VAT1L: variants seen among roughly 807,000 people sequenced by gnomAD.
The protein encoded by VAT1L is vesicle amine transport 1 like.
In VAT1L, 34 loss-of-function variants were observed where a neutral mutation model predicts 44.1. The observed-to-expected ratio is 0.77, with a 90% confidence interval of 0.59 to 1.03. The LOEUF (loss-of-function observed/expected upper bound fraction) is 1.03, where lower values mean the gene tolerates loss of function less well. Ranked by LOEUF, VAT1L falls within the 50% of genes least tolerant of loss-of-function variation. VAT1L has a pLI of 0.00. For synonymous variants in VAT1L, 253 were observed against 202.2 expected, an observed-to-expected ratio of 1.25 and a Z score of -2.13; for missense variants, 615 against 538.8, an observed-to-expected ratio of 1.14 and a Z score of -1.40.
intron 3 of VAT1L, among the ~76,000 whole-genome samples, chr16:77,854,280 C>T (rs536350358): frequency 8.5e-5 from 13 of 152,138 alleles, no homozygotes; most frequent in African/African-American, 2.4e-4. Flanking sequence ...TGTGTCACAG[C>T]GCATATCACG....
intron 7 of VAT1L, among the ~76,000 whole-genome samples, chr16:77,966,827 G>A (rs1466316704): frequency 1.3e-5 from 2 of 151,100 alleles, no homozygotes; most frequent in East Asian, 3.9e-4. Flanking sequence ...AAATTTCAAA[G>A]GCGCACTTGC....
chr16:77,912,421 G>A (rs1469520561), intron 7 of VAT1L, among the ~76,000 whole-genome samples: 1 of 152,104 alleles, frequency 6.6e-6, no homozygotes, highest in Non-Finnish European at 1.5e-5. Flanking sequence ...GGGACAAGGT[G>A]GTTCATTATA....
intron 4 of VAT1L, among the ~76,000 whole-genome samples, chr16:77,868,344 A>C (rs1023735271): frequency 6.6e-6 from 1 of 152,172 alleles, no homozygotes; most frequent in South Asian, 2.1e-4. Context: ...CTACAAACAG[A>C]CTACGAAGAT....
intron 3 of VAT1L, among the ~76,000 whole-genome samples, chr16:77,853,451 A>G (rs2016826630): frequency 6.6e-6 from 1 of 152,236 alleles, no homozygotes; most frequent in Non-Finnish European, 1.5e-5. Context: ...ATAATTATAT[A>G]CGAATAGTCA....
intron 4 of VAT1L, among the ~76,000 whole-genome samples, chr16:77,864,231 C>G (rs973652286): frequency 6.6e-6 from 1 of 152,288 alleles, no homozygotes; most frequent in Admixed American, 6.5e-5. Flanking sequence ...GCCATTGTTT[C>G]GGCATTCTCA....
rs899580866 is a variant in VAT1L at position 77,833,905 on chromosome 16, G to A, written c.579+8444G>A. 3.9e-5 allele frequency among the ~76,000 whole-genome samples: 6 copies of A among 152,096 alleles called. No homozygotes were observed. In the East Asian group the frequency reaches 1.2e-3, roughly 29 times the overall value. Reference sequence around the variant, plus strand: ...TACAAAGAATTCCGGACAGGAGGGCGTTTCTTACATCACCTAACTCTCCGT... The same window carrying A: ...TACAAAGAATTCCGGACAGGAGGGCATTTCTTACATCACCTAACTCTCCGT... On this transcript the variant is annotated intron_variant, in intron 3 of 8. Coordinates refer to ENST00000302536, the MANE Select transcript of VAT1L (RefSeq NM_020927.3).
At chr16:77,795,565 C>T (rs1463516589) in intron 1 of VAT1L, among the ~76,000 whole-genome samples, 1 of 152,040 alleles carries the variant, frequency 6.6e-6, no homozygotes, top group African/African-American at 2.4e-5. Flanking sequence ...TAAAAATAAC[C>T]TGGGATCAAA....
At chr16:77,963,025 G>T (rs1005188128) in intron 7 of VAT1L, among the ~76,000 whole-genome samples, 2 of 152,188 alleles carry the variant, frequency 1.3e-5, no homozygotes, top group Admixed American at 1.3e-4. Context: ...CGAGTAGAGG[G>T]CGCTGGATCC....
chr16:77,925,377 T>A (rs541963584), intron 7 of VAT1L, among the ~76,000 whole-genome samples: 1 of 152,202 alleles, frequency 6.6e-6, no homozygotes, highest in Non-Finnish European at 1.5e-5. Flanking sequence ...AAATAGTCAC[T>A]AATTTCACCT....
intron 3 of VAT1L, among the ~76,000 whole-genome samples, chr16:77,854,525 C>T (rs1311907559): frequency 1.3e-5 from 2 of 152,170 alleles, no homozygotes; most frequent in Non-Finnish European, 2.9e-5. Flanking sequence ...TGTGTCTAAA[C>T]CTCAATGTGG....
At chr16:77,828,943 T>C (rs1444510989) in intron 3 of VAT1L, among the ~76,000 whole-genome samples, 2 of 152,208 alleles carry the variant, frequency 1.3e-5, no homozygotes, top group Non-Finnish European at 2.9e-5. Context: ...TTTGAGCCAC[T>C]AAGTTTGTGT....
At chr16:77,959,982 C>A (rs1000922579) in intron 7 of VAT1L, among the ~76,000 whole-genome samples, 2 of 151,916 alleles carry the variant, frequency 1.3e-5, no homozygotes, top group African/African-American at 4.8e-5. Flanking sequence ...TTGGAATGGT[C>A]TTCTCTCTCT....
chr16:77,822,165 G>A lies in VAT1L; in HGVS notation c.364-3081G>A, dbSNP rs543068405. Reference sequence around the variant, plus strand: ...TTTATTTATTTAGAGACGGAGTTTCGCTCTTGTTGCCCAGGCTGGAGTGCA... The same window carrying A: ...TTTATTTATTTAGAGACGGAGTTTCACTCTTGTTGCCCAGGCTGGAGTGCA... On this transcript the variant is annotated intron_variant, in intron 2 of 8. Transcript: ENST00000302536. Among the ~76,000 whole-genome samples the A allele has an allele frequency of 7.9e-5, 12 of 151,994 alleles. No individual in the cohort carries two copies. In the East Asian group the frequency reaches 1.2e-3, roughly 15 times the overall value.
chr16:77,851,557 G>A (rs764770740), intron 3 of VAT1L, among the ~76,000 whole-genome samples: 12 of 152,122 alleles, frequency 7.9e-5, no homozygotes, highest in Non-Finnish European at 1.6e-4. Flanking sequence ...AGAGGCTGAG[G>A]TGGGAGGATC....
intron 7 of VAT1L, among the ~76,000 whole-genome samples, chr16:77,957,793 T>C (rs2018120105): frequency 6.7e-6 from 1 of 149,256 alleles, no homozygotes; most frequent in African/African-American, 2.4e-5. Context: ...ATAATAATAA[T>C]AATTATAAAA....
chr16:77,800,836 C>G (rs2016034893), intron 1 of VAT1L: 2 of 152,012 alleles, frequency 1.3e-5, no homozygotes, highest in African/African-American at 4.8e-5. Context: ...GCCTTTTGTT[C>G]TTGTTTTTTT....
At chr16:77,870,098 C>T (rs1009165557) in intron 4 of VAT1L, among the ~76,000 whole-genome samples, 1 of 152,178 alleles carries the variant, frequency 6.6e-6, no homozygotes, top group Non-Finnish European at 1.5e-5. Context: ...TAAACACTTA[C>T]CAAGAAGCCT....
intron 7 of VAT1L, among the ~76,000 whole-genome samples, chr16:77,966,516 T>G (rs1036747849): frequency 2.6e-5 from 4 of 152,070 alleles, no homozygotes; most frequent in African/African-American, 9.6e-5. Context: ...TGGACGTGAG[T>G]GTGTGATGAA....
chr16:77,790,587 A>G (rs565767806), intron 1 of VAT1L, among the ~76,000 whole-genome samples: 54 of 152,126 alleles, frequency 3.5e-4, no homozygotes, highest in African/African-American at 1.2e-3. Flanking sequence ...TTCCTTAACC[A>G]CTTCATCAAA....
Sources: allele counts gnomAD v4.1 joint callset (sites outside exome capture counted in the v4.1 genomes callset), GRCh38; gene constraint gnomAD v4.1.1; transcripts MANE v1.5; gene names NCBI Gene and HGNC (gene_info 2026-07-23, HGNC 2026-07-21).